ACACA: variants seen among roughly 807,000 people sequenced by gnomAD.
ACACA encodes acetyl-CoA carboxylase alpha.
A neutral mutation model predicts 296.1 loss-of-function variants in ACACA; 103 were observed. The observed-to-expected ratio is 0.35, with a 90% CI of 0.30 to 0.41. The LOEUF (loss-of-function observed/expected upper bound fraction) is 0.41, where lower values mean the gene tolerates loss of function less well. Among genes scored for constraint, ACACA ranks in the 10% least tolerant of loss-of-function variants. ACACA has a pLI of 1.00. For synonymous variants in ACACA, 953 were observed against 1,038.6 expected (o/e 0.92, Z 1.58); for missense variants, 1,554 against 2,989.7 (o/e 0.52, Z 11.20).
At chr17:37,270,948 C>T in intron 9 of ACACA, 87 bp from the exon 10 acceptor site, 2 of 911,222 alleles carry the variant, frequency 2.2e-6, no homozygotes, top group Admixed American at 3.5e-5. Flanking sequence ...TTTAAGAATG[C>T]AGTCATTTAG....
chr17:37,260,033 C>CA (rs2081377008), intron 11 of ACACA, among the ~76,000 whole-genome samples: 4 of 151,158 alleles, frequency 2.6e-5, no homozygotes. Context: ...AGGCATGCGC[C>CA]ACCATGCCTG....
At chr17:37,268,161 T>C (rs1218945276) in intron 10 of ACACA, among the ~76,000 whole-genome samples, 2 of 152,206 alleles carry the variant, frequency 1.3e-5, no homozygotes, top group African/African-American at 2.4e-5. Context: ...ATAAACCCTC[T>C]GTGGGTCTGT....
chr17:37,130,346 G>T, intron 45 of ACACA, 128 bp from the exon 46 acceptor site: 1 of 1,142,872 alleles, frequency 8.7e-7, no homozygotes, highest in African/African-American at 1.5e-5. Flanking sequence ...TGGGTTGGTT[G>T]TTCTGAGGGA....
chr17:37,252,729 C>A lies in ACACA; in HGVS notation c.1977+157G>T, dbSNP rs73982283. ...TGACTGTGTGACACAAGCACAGGAA[C>A]CATCAGAGTGCTAAAATTACACTGA... is the stretch of plus-strand genomic sequence containing the variant. On this transcript the variant is annotated intron_variant, in intron 15 of 55. Transcript: ENST00000616317. Among the ~76,000 whole-genome samples the A allele has an allele frequency of 9.1e-4, 139 of 152,272 alleles. 1 individual carries two copies. Among genetic ancestry groups the A allele is most frequent in the African/African-American group, 3.3e-3 (137 of 41,558 alleles).
At chr17:37,367,174 G>A (rs1009081742) in intron 1 of ACACA, 1 of 149,636 alleles carries the variant, frequency 6.7e-6, no homozygotes, top group Non-Finnish European at 1.5e-5. Context: ...CACAAGTCTT[G>A]TTTATCAGTG....
chr17:37,116,929 CG>C (rs2074285414), intron 50 of ACACA, among the ~76,000 whole-genome samples: 1 of 152,104 alleles, frequency 6.6e-6, no homozygotes, highest in South Asian at 2.1e-4. Context: ...CCCTGAGAAA[CG>C]CAACTGGGAA....
chr17:37,200,597 C>A lies in ACACA; in HGVS notation c.4057-114G>T, dbSNP rs541511760. 5 of 964,796 alleles carry A rather than the reference C, an allele frequency of 5.2e-6. No individual in the cohort carries two copies. In the East Asian group the frequency reaches 1.3e-4, roughly 25 times the overall value. 59.8% of individuals were successfully genotyped at this position (964,796 alleles called of 1,614,324 possible). On this transcript the variant is annotated intron_variant, in intron 33 of 55. Transcript: ENST00000616317. Reference sequence around the variant, plus strand: ...GGAGTTAAACATCCTTTTTGGATATCCTTATCTTAGCTTAGTACCTTCAAA... The same window carrying A: ...GGAGTTAAACATCCTTTTTGGATATACTTATCTTAGCTTAGTACCTTCAAA...
At chr17:37,203,240 G>A (rs1260148812) in intron 33 of ACACA, among the ~76,000 whole-genome samples, 4 of 152,000 alleles carry the variant, frequency 2.6e-5, no homozygotes, top group Admixed American at 1.3e-4. Context: ...GATTACAGGC[G>A]TGAGCCACTG....
intron 55 of ACACA, among the ~76,000 whole-genome samples, chr17:37,088,184 TATC>T (rs142709158): frequency 8.7e-4 from 132 of 152,322 alleles, no homozygotes; most frequent in African/African-American, 3.1e-3. Context: ...AGATGGTAGA[TATC>T]AGATAAAAGT....
intron 3 of ACACA, among the ~76,000 whole-genome samples, chr17:37,316,456 T>C (rs927284256): frequency 6.6e-6 from 1 of 151,718 alleles, no homozygotes; most frequent in Non-Finnish European, 1.5e-5. Flanking sequence ...AGTACTGTTG[T>C]GAGTATTAGA....
intron 33 of ACACA, among the ~76,000 whole-genome samples, chr17:37,203,270 T>C (rs764307735): frequency 2.6e-5 from 4 of 151,996 alleles, no homozygotes; most frequent in Non-Finnish European, 4.4e-5. Context: ...GAAAATGTCT[T>C]TGTAGATCAA....
At chr17:37,223,237 TG>T (rs2079378463) in intron 28 of ACACA, among the ~76,000 whole-genome samples, 1 of 152,142 alleles carries the variant, frequency 6.6e-6, no homozygotes, top group Non-Finnish European at 1.5e-5. Context: ...CATTATGAAA[TG>T]GGAGAATTCA....
chr17:37,251,879 C>T, intron 16 of ACACA, 126 bp downstream of exon 16: 2 of 898,068 alleles, frequency 2.2e-6, no homozygotes, highest in Non-Finnish European at 3.7e-6. Flanking sequence ...CACCATGGTC[C>T]ATGAATAACA....
At chr17:37,116,797 G>C (rs575294174) in intron 50 of ACACA, among the ~76,000 whole-genome samples, 3 of 152,178 alleles carry the variant, frequency 2.0e-5, no homozygotes, top group African/African-American at 2.4e-5. Context: ...AAATCCCTTC[G>C]TATTTAAGAG....
chr17:37,328,244 CATT>C (rs1320248167), intron 3 of ACACA, among the ~76,000 whole-genome samples: 1 of 152,166 alleles, frequency 6.6e-6, no homozygotes, highest in Non-Finnish European at 1.5e-5. Flanking sequence ...TATTTCTCCT[CATT>C]GGGCCTTAGT....
At chr17:37,291,176 A>G (rs2083045506) in intron 3 of ACACA, among the ~76,000 whole-genome samples, 4 of 7,376 alleles carry the variant, frequency 5.4e-4, no homozygotes, top group African/African-American at 1.5e-3. Flanking sequence ...ACATCTCATA[A>G]TATTTGTTTT....
chr17:37,354,597 C>T (rs1200449536), intron 1 of ACACA, among the ~76,000 whole-genome samples: 2 of 152,118 alleles, frequency 1.3e-5, no homozygotes, highest in Non-Finnish European at 2.9e-5. Context: ...CCATTAGATT[C>T]AAGCGAATAC....
intron 50 of ACACA, 122 bp downstream of exon 50, chr17:37,121,233 G>T: frequency 7.5e-7 from 1 of 1,335,954 alleles, no homozygotes; most frequent in Non-Finnish European, 1.1e-6. Context: ...AGAGAGGGCA[G>T]AATCCCCAAA....
chr17:37,113,393 T>TA lies in ACACA; in HGVS notation c.6275-129dup. The TA allele has an allele frequency of 1.1e-6, 1 of 902,832 alleles. No individual in the cohort carries two copies. The highest frequency in any genetic ancestry group is 1.8e-6 in the Non-Finnish European group (1 of 561,704). 55.9% of individuals were successfully genotyped at this position (902,832 alleles called of 1,614,324 possible). A position where few individuals can be genotyped will look rare whatever the true frequency, so the allele number is the denominator to read the frequency against. ...CTATGCCTCCTGTTTGGCCACCCTATAGACTAAAGGGAGTATCGACCTGTA... is the reference window on the plus strand; with the variant it reads ...CTATGCCTCCTGTTTGGCCACCCTATAAGACTAAAGGGAGTATCGACCTGTA... On this transcript the variant is annotated intron_variant, in intron 50 of 55. Coordinates refer to ENST00000616317, the MANE Select transcript of ACACA (RefSeq NM_198834.3). This position sits in a 1 kb window ranked among gnomAD's most constrained non-coding sequence, Gnocchi z 4.0.
Sources: allele counts gnomAD v4.1 joint callset (sites outside exome capture counted in the v4.1 genomes callset), GRCh38; gene constraint gnomAD v4.1.1; non-coding constraint Gnocchi (gnomAD v3.1); transcripts MANE v1.5; gene names NCBI Gene and HGNC (gene_info 2026-07-23, HGNC 2026-07-21).